The following KPNA4 variants were observed in gnomAD, a reference collection of about 807,000 sequenced individuals.
The protein encoded by KPNA4 is importin subunit alpha-3.
Under a neutral mutation model 71.3 loss-of-function variants are expected in KPNA4, and 13 were observed. That is an observed-to-expected ratio of 0.18 (90% confidence interval 0.12 to 0.29). KPNA4 has a LOEUF of 0.29. KPNA4 is among the 10% of genes least tolerant of loss of function. KPNA4 has a pLI of 1.00. For missense variants in KPNA4, 334 were observed against 603.2 expected, an observed-to-expected ratio of 0.55 and a Z score of 4.67; for synonymous variants, 189 against 195.2, an observed-to-expected ratio of 0.97 and a Z score of 0.26.
intron 1 of KPNA4, among the ~76,000 whole-genome samples, chr3:160,551,845 G>A (rs1282070451): frequency 6.7e-6 from 1 of 149,802 alleles, no homozygotes; most frequent in Non-Finnish European, 1.5e-5. Context: ...GAAGTTTACT[G>A]AAGTAACTGT....
At chr3:160,519,794 T>C (rs1577050793) in intron 11 of KPNA4, among the ~76,000 whole-genome samples, 1 of 85,864 alleles carries the variant, frequency 1.2e-5, no homozygotes, top group Non-Finnish European at 2.1e-5. Flanking sequence ...AGAGCGAGAC[T>C]CCGTCTCAAA....
chr3:160,559,447 A>C (rs556338394), intron 1 of KPNA4, among the ~76,000 whole-genome samples: 7 of 152,216 alleles, frequency 4.6e-5, no homozygotes, highest in Non-Finnish European at 1.0e-4. Context: ...GAAGACGTGC[A>C]TAACTCAGTG....
intron 16 of KPNA4, 28 bp from the exon 17 acceptor site, chr3:160,502,230 G>A: frequency 7.9e-7 from 1 of 1,262,728 alleles, no homozygotes; most frequent in Non-Finnish European, 1.1e-6. Flanking sequence ...AAAAGAATGT[G>A]ATAATTAGTT....
intron 11 of KPNA4, among the ~76,000 whole-genome samples, chr3:160,516,920 T>A (rs1018458550): frequency 1.3e-5 from 2 of 152,110 alleles, no homozygotes; most frequent in African/African-American, 2.4e-5. Context: ...TTTTTACTCC[T>A]CTAATTTTCC....
chr3:160,505,360 T>C (rs1396056622), intron 15 of KPNA4, among the ~76,000 whole-genome samples: 3 of 152,198 alleles, frequency 2.0e-5, no homozygotes, highest in African/African-American at 7.2e-5. Flanking sequence ...CAATAACATG[T>C]AAAATTCCAT....
rs1230628702 is a variant in KPNA4, at chr3:160,499,274, A to G, written c.*2830T>C. 4 of 152,164 alleles carry G rather than the reference A, an allele frequency of 2.6e-5. No individual in the cohort carries two copies. Among genetic ancestry groups the G allele is most frequent in the Non-Finnish European group, 5.9e-5 (4 of 68,028 alleles). The allele number at this position is 152,164 out of a possible 1,614,324, so 9.4% of individuals were successfully genotyped here. ...AATTACAAAGGAAATATATTTAAAG[A>G]TAGATTTTAGACTAGGGCGTCTCAC... is the stretch of plus-strand genomic sequence containing the variant. On this transcript the variant is annotated 3_prime_UTR_variant, in exon 17 of 17. Coordinates refer to ENST00000334256, the MANE Select transcript of KPNA4 (RefSeq NM_002268.5).
In KPNA4 at chr3:160,565,272, T is replaced by C. The variant is rs1424229452; in HGVS notation, c.11A>G (p.Asn4Ser). 2 of 1,605,788 alleles carry C rather than the reference T, an allele frequency of 1.2e-6. No individual in the cohort carries two copies. The highest frequency in any genetic ancestry group is 2.2e-5 in the South Asian group (2 of 89,486). Residue 4 changes from asparagine (N) to serine (S), a missense_variant, in exon 1 of 17, where the codon AAC (asparagine) becomes AGC (serine). Physicochemically the swap from Asn to Ser is conservative, Grantham distance 46 (BLOSUM62 1). Coordinates refer to ENST00000334256, the MANE Select transcript of KPNA4 (RefSeq NM_002268.5). ...GAGCCGTTGGTTGTCCAGTTTCTCG[T>C]TGTCCGCCATGGCCGGGCCGGTGAC... MADNEKLDNQRLKN... is the reference protein window; with the variant it reads MADSEKLDNQRLKN...
chr3:160,531,422 C>T, intron 6 of KPNA4, 40 bp downstream of exon 6: 1 of 1,010,338 alleles, frequency 9.9e-7, no homozygotes, highest in Non-Finnish European at 1.4e-6. Flanking sequence ...CCAAAGGATA[C>T]ATTCTAAATT....
intron 1 of KPNA4, among the ~76,000 whole-genome samples, chr3:160,543,952 G>C (rs1311174984): frequency 1.3e-5 from 2 of 152,072 alleles, no homozygotes; most frequent in African/African-American, 4.8e-5. Context: ...CCGCCTCCTG[G>C]GTTCAAGTGA....
intron 7 of KPNA4, among the ~76,000 whole-genome samples, chr3:160,529,873 T>C (rs900054258): frequency 6.6e-6 from 1 of 152,040 alleles, no homozygotes; most frequent in African/African-American, 2.4e-5. Flanking sequence ...CTCACACCTG[T>C]AATCCCAGCA....
chr3:160,549,176 T>G (rs1170825416), intron 1 of KPNA4, among the ~76,000 whole-genome samples: 1 of 152,218 alleles, frequency 6.6e-6, no homozygotes, highest in Non-Finnish European at 1.5e-5. Flanking sequence ...CTTTATATAT[T>G]CTGGATACTA....
chr3:160,560,030 C>T, intron 1 of KPNA4, among the ~76,000 whole-genome samples: 1 of 152,020 alleles, frequency 6.6e-6, no homozygotes, highest in Middle Eastern at 3.2e-3. Flanking sequence ...TGAAAGTCTA[C>T]AAGTGACCCA....
intron 1 of KPNA4, among the ~76,000 whole-genome samples, chr3:160,563,599 C>T (rs1242933304): frequency 1.3e-5 from 2 of 152,082 alleles, no homozygotes; most frequent in African/African-American, 2.4e-5. Context: ...CTGTCAAGCA[C>T]CTAATTGCTA....
At chr3:160,531,069 A>G in intron 6 of KPNA4, 129 bp from the exon 7 acceptor site, 5 of 651,966 alleles carry the variant, frequency 7.7e-6, no homozygotes, top group Admixed American at 3.1e-5. Flanking sequence ...TCCATCCAGC[A>G]TATTTTTTTA....
chr3:160,536,654 A>T, intron 2 of KPNA4, 142 bp downstream of exon 2: 1 of 457,098 alleles, frequency 2.2e-6, no homozygotes. Context: ...AAAAAGTTTA[A>T]CTAAATTTAG....
intron 16 of KPNA4, among the ~76,000 whole-genome samples, chr3:160,502,922 C>A (rs1720912507): frequency 6.6e-6 from 1 of 151,968 alleles, no homozygotes; most frequent in South Asian, 2.1e-4. Flanking sequence ...ACCAGCCTGG[C>A]CAACGTGGCG....
At chr3:160,564,494 G>GATA (rs1291027821) in intron 1 of KPNA4, 1 of 152,362 alleles carries the variant, frequency 6.6e-6, no homozygotes, top group Non-Finnish European at 1.5e-5. Flanking sequence ...GAAATAAGGG[G>GATA]TATCCTTTGC....
intron 1 of KPNA4, among the ~76,000 whole-genome samples, chr3:160,550,514 T>A (rs1276965264): frequency 1.3e-5 from 2 of 152,196 alleles, no homozygotes; most frequent in Non-Finnish European, 2.9e-5. Flanking sequence ...ATTCTCCCAC[T>A]GAGGCCTCCT....
At chr3:160,508,476 A>C (rs1465575768) in intron 14 of KPNA4, among the ~76,000 whole-genome samples, 1 of 152,214 alleles carries the variant, frequency 6.6e-6, no homozygotes, top group African/African-American at 2.4e-5. Flanking sequence ...AAAACAACGT[A>C]AAGTTAAAAT....
Sources: allele counts gnomAD v4.1 joint callset (sites outside exome capture counted in the v4.1 genomes callset), GRCh38; gene constraint gnomAD v4.1.1; transcripts MANE v1.5; gene names NCBI Gene and HGNC (gene_info 2026-07-23, HGNC 2026-07-21).